PDE4D: variants seen among roughly 807,000 people sequenced by gnomAD.
The protein encoded by PDE4D is phosphodiesterase 4D, also known as 3',5'-cyclic-AMP phosphodiesterase 4D.
PDE4D carries 24 observed loss-of-function variants against 87.4 expected under a neutral mutation model. The observed-to-expected ratio is 0.27, with a 90% CI of 0.20 to 0.39. The LOEUF is 0.39. PDE4D is among the 10% of genes least tolerant of loss of function. The pLI, the probability that PDE4D is intolerant of heterozygous loss-of-function variation, is 1.00. For missense variants in PDE4D, 714 were observed against 1,041.0 expected (o/e 0.69, Z 4.32); for synonymous variants, 384 against 383.2 (o/e 1.00, Z -0.02).
At position 59,762,273 on chromosome 5, in the gene PDE4D, T is replaced by C. The variant is rs1447276282; in HGVS notation, c.455+130895A>G. Among the ~76,000 whole-genome samples the C allele has an allele frequency of 1.4e-4, 18 of 126,768 alleles. 2 individuals are homozygous for C. Among genetic ancestry groups the C allele is most frequent in the African/African-American group, 5.0e-4 (17 of 34,120 alleles). The allele number at this position is 126,768 out of a possible 152,430, so 83.2% of individuals were successfully genotyped here. Reference sequence around the variant, plus strand: ...GGGTACACATATGCGTATATGTGTATATGGGTACACATATGCGTATATGGG... The same window carrying C: ...GGGTACACATATGCGTATATGTGTACATGGGTACACATATGCGTATATGGG... On this transcript the variant is annotated intron_variant, in intron 1 of 14. Transcript: ENST00000340635.
chr5:59,279,887 T>C (rs1345779050), intron 1 of PDE4D, among the ~76,000 whole-genome samples: 1 of 151,876 alleles, frequency 6.6e-6, no homozygotes, highest in African/African-American at 2.4e-5. Flanking sequence ...TACCAAGTTT[T>C]TGGAAGTTTT....
At chr5:59,428,322 C>A (rs146532723) in intron 1 of PDE4D, among the ~76,000 whole-genome samples, 2 of 152,012 alleles carry the variant, frequency 1.3e-5, no homozygotes, top group East Asian at 3.9e-4. Flanking sequence ...TTTTTTTTAT[C>A]TTTTATTTTT....
chr5:60,409,635 T>G (rs1391640936), intron 1 of PDE4D, among the ~76,000 whole-genome samples: 1 of 152,226 alleles, frequency 6.6e-6, no homozygotes, highest in African/African-American at 2.4e-5. Context: ...GCTTTTCAAA[T>G]TTATAAAACA....
chr5:59,665,754 A>C (rs1433274928), intron 1 of PDE4D, among the ~76,000 whole-genome samples: 3 of 152,154 alleles, frequency 2.0e-5, no homozygotes, highest in African/African-American at 7.2e-5. Flanking sequence ...AGCCTTGTGA[A>C]CAGGATTAAT....
intron 3 of PDE4D, among the ~76,000 whole-genome samples, chr5:59,905,284 G>A (rs544657069): frequency 1.8e-4 from 28 of 152,176 alleles, no homozygotes; most frequent in Non-Finnish European, 2.4e-4. Flanking sequence ...TTTGTGGAGC[G>A]TGGCAAATGT....
intron 1 of PDE4D, among the ~76,000 whole-genome samples, chr5:59,598,112 C>T (rs984302516): frequency 4.6e-5 from 7 of 152,100 alleles, no homozygotes; most frequent in Non-Finnish European, 8.8e-5. Flanking sequence ...TTATACTTTT[C>T]TCTCTGGGAA....
intron 1 of PDE4D, among the ~76,000 whole-genome samples, chr5:59,485,781 C>T (rs961497752): frequency 1.3e-5 from 2 of 152,080 alleles, no homozygotes; most frequent in Admixed American, 1.3e-4. Context: ...TCACTACTGT[C>T]AAAATACTGC....
chr5:59,516,355 C>T (rs1462416537), intron 1 of PDE4D, among the ~76,000 whole-genome samples: 1 of 152,134 alleles, frequency 6.6e-6, no homozygotes, highest in Non-Finnish European at 1.5e-5. Flanking sequence ...TGGCAATAGG[C>T]CTTCAACACC....
chr5:60,477,129 G>A (rs1317852808), intron 1 of PDE4D, among the ~76,000 whole-genome samples: 1 of 152,148 alleles, frequency 6.6e-6, no homozygotes, highest in Non-Finnish European at 1.5e-5. Flanking sequence ...CTGGAGTTAA[G>A]GAGAGAGGAA....
chr5:59,336,170 C>T (rs995076711), intron 1 of PDE4D, among the ~76,000 whole-genome samples: 1 of 152,094 alleles, frequency 6.6e-6, no homozygotes, highest in African/African-American at 2.4e-5. Flanking sequence ...GAATTGGTAC[C>T]CACAAGCTTC....
chr5:59,728,798 G>C (rs1756963771), intron 1 of PDE4D, among the ~76,000 whole-genome samples: 1 of 151,966 alleles, frequency 6.6e-6, no homozygotes, highest in South Asian at 2.1e-4. Flanking sequence ...TCCAATTTTG[G>C]TAGAGCAAGA....
intron 1 of PDE4D, among the ~76,000 whole-genome samples, chr5:60,297,427 G>C (rs2149785938): frequency 6.6e-6 from 1 of 152,194 alleles, no homozygotes; most frequent in East Asian, 1.9e-4. Context: ...TAACAGAAGG[G>C]AGAAAATACT....
At chr5:60,031,153 C>A (rs1262857279) in intron 2 of PDE4D, among the ~76,000 whole-genome samples, 1 of 152,194 alleles carries the variant, frequency 6.6e-6, no homozygotes, top group Non-Finnish European at 1.5e-5. Context: ...TCCTTGACAT[C>A]TTTAGCATCT....
intron 1 of PDE4D, among the ~76,000 whole-genome samples, chr5:60,467,861 G>A (rs58771608): frequency 0.046 from 6,950 of 152,096 alleles, 399 homozygotes; most frequent in African/African-American, 0.14. Flanking sequence ...CTCAGATCTC[G>A]TGAGAACTCA....
intron 3 of PDE4D, among the ~76,000 whole-genome samples, chr5:59,947,403 G>C (rs1178390713): frequency 6.6e-6 from 1 of 152,136 alleles, no homozygotes; most frequent in East Asian, 1.9e-4. Context: ...AATCTAGTGT[G>C]GGCGGCCCGG....
At chr5:59,494,757 A>AT (rs2153661775) in intron 1 of PDE4D, among the ~76,000 whole-genome samples, 1 of 152,310 alleles carries the variant, frequency 6.6e-6, no homozygotes, top group South Asian at 2.1e-4. Flanking sequence ...TTGCATTAAG[A>AT]CTTTGAAACA....
At chr5:60,148,758 T>C (rs1336116688) in intron 2 of PDE4D, among the ~76,000 whole-genome samples, 1 of 152,224 alleles carries the variant, frequency 6.6e-6, no homozygotes, top group Non-Finnish European at 1.5e-5. Flanking sequence ...TAATGAAAGA[T>C]AGACTTATTT....
chr5:59,902,919 T>C (rs921622341), intron 3 of PDE4D, among the ~76,000 whole-genome samples: 15 of 152,188 alleles, frequency 9.9e-5, no homozygotes, highest in Non-Finnish European at 1.9e-4. Context: ...ACTACAAACA[T>C]CTTTAAAACA....
intron 1 of PDE4D, among the ~76,000 whole-genome samples, chr5:59,599,351 A>T (rs181598111): frequency 6.6e-6 from 1 of 150,918 alleles, no homozygotes; most frequent in African/African-American, 2.4e-5. Context: ...CCTCCCAAAG[A>T]GCTGGGATTA....
Sources: gnomAD v4.1 joint callset for allele counts (sites outside exome capture counted in the v4.1 genomes callset) on GRCh38, gnomAD v4.1.1 for gene constraint, MANE v1.5 for transcripts, NCBI Gene and HGNC (gene_info 2026-07-23, HGNC 2026-07-21) for gene names.